COL4A4: variants seen among roughly 807,000 people sequenced by gnomAD.
COL4A4 encodes the protein collagen type IV alpha 4 chain.
COL4A4 carries 105 observed loss-of-function variants against 192.9 expected under a neutral mutation model. The observed-to-expected ratio is 0.54, with a 90% confidence interval of 0.46 to 0.64. COL4A4 has a LOEUF of 0.64. Among genes scored for constraint, COL4A4 ranks in the 30% least tolerant of loss-of-function variants. The probability of loss-of-function intolerance (pLI) is 0.00; values close to 1 mark genes in which losing one functional copy is unlikely to be tolerated. For missense variants in COL4A4, 1,967 were observed against 2,169.3 expected (o/e 0.91, Z 1.85); for synonymous variants, 762 against 769.9 (o/e 0.99, Z 0.17).
the COL4A4 span, among the ~76,000 whole-genome samples, chr2:226,989,335 G>A: frequency 6.6e-6 from 1 of 152,152 alleles, no homozygotes; most frequent in Non-Finnish European, 1.5e-5. Context: ...AAAAATAGGG[G>A]AAAAATCTAT....
chr2:227,102,956 A>C (rs2060607131), intron 14 of COL4A4, 108 bp from the exon 15 acceptor site: 2 of 1,220,382 alleles, frequency 1.6e-6, no homozygotes, highest in Non-Finnish European at 2.4e-6. Context: ...AACAAAAATT[A>C]TTGTCAGCAG....
intron 4 of COL4A4, among the ~76,000 whole-genome samples, chr2:227,128,686 A>G (rs1031959371): frequency 6.6e-5 from 10 of 151,774 alleles, no homozygotes; most frequent in Admixed American, 3.9e-4. Context: ...CAAAACCCAA[A>G]TCTCATGCTC....
At chr2:227,110,636 C>G (rs1171993513) in intron 9 of COL4A4, among the ~76,000 whole-genome samples, 1 of 150,740 alleles carries the variant, frequency 6.6e-6, no homozygotes, top group Non-Finnish European at 1.5e-5. Context: ...CCGCCTCAGC[C>G]TCCCAAAGTG....
chr2:227,059,420 A>G lies in COL4A4; in HGVS notation c.2368T>C (p.Cys790Arg). 6.2e-7 allele frequency: 1 copy of G among 1,614,190 alleles called. No homozygotes were observed. Among genetic ancestry groups the G allele is most frequent in the Non-Finnish European group, 8.5e-7 (1 of 1,180,016 alleles). ...GIKGPRGDPGCPGAEGPAGIP... is the reference protein window; with the variant it reads ...GIKGPRGDPGRPGAEGPAGIP... ...GCCCTCATACCTTCAGCCCCTGGAC[A>G]TCCCGGATCACCTCTGGGTCCTTTT... Residue 790 changes from cysteine to arginine, a missense_variant, in exon 28 of 48, where the codon TGT becomes CGT. Coordinates refer to ENST00000396625, the MANE Select transcript of COL4A4 (RefSeq NM_000092.5).
At chr2:227,026,438 G>T (rs1209054651) in intron 42 of COL4A4, among the ~76,000 whole-genome samples, 2 of 151,322 alleles carry the variant, frequency 1.3e-5, no homozygotes, top group African/African-American at 4.9e-5. Flanking sequence ...GGTGGAGCTT[G>T]CAGTGAGCCG....
At chr2:227,021,717 C>T (rs1263547329) in intron 44 of COL4A4, among the ~76,000 whole-genome samples, 1 of 151,828 alleles carries the variant, frequency 6.6e-6, no homozygotes, top group East Asian at 1.9e-4. Flanking sequence ...CCCAGCTACT[C>T]GGGAGGCTGA....
At chr2:227,014,329 A>G (rs1376330813) in intron 44 of COL4A4, among the ~76,000 whole-genome samples, 1 of 152,200 alleles carries the variant, frequency 6.6e-6, no homozygotes, top group Non-Finnish European at 1.5e-5. Flanking sequence ...CTGCATTTCT[A>G]GAAGTCCCCA....
intron 4 of COL4A4, among the ~76,000 whole-genome samples, chr2:227,129,034 T>A (rs367887615): frequency 8.5e-5 from 13 of 152,288 alleles, no homozygotes; most frequent in African/African-American, 3.1e-4. Context: ...CCAAAAATAT[T>A]ATAATCATAA....
intron 34 of COL4A4, 46 bp downstream of exon 34, chr2:227,050,022 C>T (rs1375205253): frequency 3.9e-6 from 6 of 1,554,000 alleles, no homozygotes; most frequent in Middle Eastern, 3.4e-4. Flanking sequence ...TATAAACATT[C>T]GGGACTATGC....
At chr2:227,015,080 T>A (rs1290631039) in intron 44 of COL4A4, among the ~76,000 whole-genome samples, 2 of 151,984 alleles carry the variant, frequency 1.3e-5, no homozygotes, top group Non-Finnish European at 2.9e-5. Flanking sequence ...TTTGTATTTT[T>A]AGTAGAGACA....
At chr2:226,968,769 G>T in the COL4A4 span, among the ~76,000 whole-genome samples, 7 of 152,192 alleles carry the variant, frequency 4.6e-5, no homozygotes, top group African/African-American at 1.7e-4. Flanking sequence ...AACAATAAAA[G>T]AAGCCAAGGC....
chr2:226,982,955 C>T, the COL4A4 span, among the ~76,000 whole-genome samples: 153 of 152,296 alleles, frequency 1.0e-3, 1 homozygote, highest in African/African-American at 3.5e-3. Flanking sequence ...GCACTTTTAT[C>T]TTTTAAAATC....
At chr2:227,093,728 T>C (rs534024444) in intron 20 of COL4A4, among the ~76,000 whole-genome samples, 82 of 152,282 alleles carry the variant, frequency 5.4e-4, no homozygotes, top group African/African-American at 1.9e-3. Flanking sequence ...CAGTCTTCCA[T>C]TTAGCCAGCT....
chr2:227,051,297 GATC>G (rs1974048453), intron 32 of COL4A4, 139 bp from the exon 33 acceptor site: 1 of 860,140 alleles, frequency 1.2e-6, no homozygotes, highest in Non-Finnish European at 1.9e-6. Flanking sequence ...GCCGCTTCCT[GATC>G]ATTTCTGGCT....
chr2:227,093,071 C>A (rs920893725), intron 20 of COL4A4, among the ~76,000 whole-genome samples: 1 of 152,080 alleles, frequency 6.6e-6, no homozygotes, highest in East Asian at 1.9e-4. Flanking sequence ...GACTCTTAAA[C>A]CTGAAAGTGC....
intron 44 of COL4A4, among the ~76,000 whole-genome samples, chr2:227,017,387 G>A (rs1202337971): frequency 1.3e-5 from 2 of 152,146 alleles, no homozygotes; most frequent in Non-Finnish European, 2.9e-5. Context: ...TCCCTACTTG[G>A]AATTAGTTTT....
At chr2:227,074,146 T>C (rs922334870) in intron 25 of COL4A4, among the ~76,000 whole-genome samples, 2 of 151,980 alleles carry the variant, frequency 1.3e-5, no homozygotes, top group Non-Finnish European at 2.9e-5. Context: ...TTGCAAACTA[T>C]GCATCCGACA....
At chr2:227,014,095 G>A (rs143485363) in intron 44 of COL4A4, among the ~76,000 whole-genome samples, 107 of 152,294 alleles carry the variant, frequency 7.0e-4, no homozygotes, top group African/African-American at 2.5e-3. Flanking sequence ...CCGACTGTGC[G>A]TCCACAAGTA....
intron 44 of COL4A4, among the ~76,000 whole-genome samples, chr2:227,018,285 G>C (rs1472125579): frequency 1.3e-5 from 2 of 152,082 alleles, no homozygotes; most frequent in East Asian, 3.9e-4. Context: ...AGGCTGGAGT[G>C]GTGTATATGG....
Sources: gnomAD v4.1 joint callset for allele counts (sites outside exome capture counted in the v4.1 genomes callset) on GRCh38, gnomAD v4.1.1 for gene constraint, MANE v1.5 for transcripts, NCBI Gene and HGNC (gene_info 2026-07-23, HGNC 2026-07-21) for gene names.